Variants in ZNF93 observed in about 807,000 individuals in gnomAD.
ZNF93 encodes the protein zinc finger protein 505.
A neutral mutation model predicts 45.0 loss-of-function variants in ZNF93; 29 were observed. The observed-to-expected ratio is 0.64, with a 90% CI of 0.48 to 0.88. The LOEUF (loss-of-function observed/expected upper bound fraction) is 0.88, where lower values mean the gene tolerates loss of function less well. Among genes scored for constraint, ZNF93 ranks in the 40% least tolerant of loss-of-function variants. The pLI is 0.00. For missense variants in ZNF93, 578 were observed against 724.0 expected, an observed-to-expected ratio of 0.80 and a Z score of 2.31; for synonymous variants, 223 against 244.6, an observed-to-expected ratio of 0.91 and a Z score of 0.82.
chr19:19,912,175 T>C (rs2063310544), intron 1 of ZNF93, among the ~76,000 whole-genome samples: 1 of 152,198 alleles, frequency 6.6e-6, no homozygotes, highest in African/African-American at 2.4e-5. Flanking sequence ...GTCAGGGCAG[T>C]GACTAGAAAA....
intron 1 of ZNF93, among the ~76,000 whole-genome samples, chr19:19,913,886 C>T (rs1243980993): frequency 6.6e-6 from 1 of 152,204 alleles, no homozygotes; most frequent in Non-Finnish European, 1.5e-5. Flanking sequence ...TCCACTCTGC[C>T]TCCTGGACTG....
intron 3 of ZNF93, among the ~76,000 whole-genome samples, chr19:19,922,044 G>A (rs904328239): frequency 1.4e-4 from 21 of 152,124 alleles, no homozygotes; most frequent in African/African-American, 4.8e-4. Context: ...AGCCTCGATG[G>A]TCTTTACTAT....
intron 3 of ZNF93, among the ~76,000 whole-genome samples, chr19:19,930,542 G>T (rs1271152481): frequency 2.1e-5 from 3 of 140,254 alleles, no homozygotes; most frequent in South Asian, 2.3e-4. Flanking sequence ...CTGCTAGACC[G>T]CGGTCTGCTA....
At position 19,928,362 on chromosome 19, in the gene ZNF93, T is replaced by C. The variant is rs1052672151; in HGVS notation, c.227-4820T>C. Among the ~76,000 whole-genome samples the C allele has an allele frequency of 2.6e-5, 4 of 152,238 alleles. No homozygotes were observed. The East Asian group carries it at 5.8e-4, about 22-fold the overall frequency. On this transcript the variant is annotated intron_variant, in intron 3 of 3. Coordinates refer to ENST00000343769, the MANE Select transcript of ZNF93 (RefSeq NM_031218.4). ...CTTTTAACTGTAGGTTGTATTGATA[T>C]CTTTGAAAAATGAAATTTTTGACCC...
rs1299592277 is a variant in ZNF93 at position 19,934,458 on chromosome 19, A to C, written c.1503A>C (p.Lys501Asn). ...NQSSSLTKHK[K>N]IHTGEKPYKC... ...CCTCTTCCCTTACTAAACATAAGAA[A>C]ATTCATACTGGAGAGAAACCCTACA... Residue 501 changes from lysine (K) to asparagine (N), a missense_variant, in exon 4 of 4, where the codon AAA (lysine) becomes AAC (asparagine). Lys to Asn is a moderately conservative substitution (Grantham distance 94). Coordinates refer to ENST00000343769, the MANE Select transcript of ZNF93 (RefSeq NM_031218.4). 6.2e-7 allele frequency: 1 copy of C among 1,612,720 alleles called. No individual in the cohort carries two copies. Among genetic ancestry groups the C allele is most frequent in the Non-Finnish European group, 8.5e-7 (1 of 1,179,870 alleles).
rs1236613362 is a variant in ZNF93, at chr19:19,909,756, A to G, written c.4-5524A>G. On this transcript the variant is annotated intron_variant, in intron 1 of 3. Coordinates refer to ENST00000343769, the MANE Select transcript of ZNF93 (RefSeq NM_031218.4). ...AGTGTCTAGAATTACCAGACATGATATAAACACATAAGGTGCCAACCAGAA... is the reference window on the plus strand; with the variant it reads ...AGTGTCTAGAATTACCAGACATGATGTAAACACATAAGGTGCCAACCAGAA... 2.6e-5 allele frequency among the ~76,000 whole-genome samples: 4 copies of G among 152,240 alleles called. No homozygotes were observed. The South Asian group carries it at 6.2e-4, about 24-fold the overall frequency.
chr19:19,927,517 TTC>T (rs1396557373), intron 3 of ZNF93, among the ~76,000 whole-genome samples: 2 of 152,224 alleles, frequency 1.3e-5, no homozygotes, highest in African/African-American at 4.8e-5. Context: ...GCCTTCTACT[TTC>T]TGTTTTTATG....
chr19:19,923,591 T>G (rs2063347857), intron 3 of ZNF93, among the ~76,000 whole-genome samples: 1 of 152,136 alleles, frequency 6.6e-6, no homozygotes, highest in Non-Finnish European at 1.5e-5. Flanking sequence ...GGATGCTTTG[T>G]TTACCTACTC....
chr19:19,910,705 CTA>C (rs2063305387), intron 1 of ZNF93, among the ~76,000 whole-genome samples: 1 of 145,782 alleles, frequency 6.9e-6, no homozygotes, highest in South Asian at 2.2e-4. Context: ...AGAGTAGTCT[CTA>C]TGAGGGGATC....
chr19:19,906,671 TA>T (rs1374119631), intron 1 of ZNF93, among the ~76,000 whole-genome samples: 1 of 152,168 alleles, frequency 6.6e-6, no homozygotes, highest in Non-Finnish European at 1.5e-5. Context: ...GTTTTTCATT[TA>T]AGTGTTTAAT....
In ZNF93 at chr19:19,901,074, C is replaced by T. The variant is rs747808752; in HGVS notation, c.-15C>T. On this transcript the variant is annotated 5_prime_UTR_variant, in exon 1 of 4. Coordinates refer to ENST00000343769, the MANE Select transcript of ZNF93 (RefSeq NM_031218.4). ...GATCCACAGCTAAGACACCAGGACC[C>T]CTGGAAGCCTAGAAATGGTGAGAGT... The T allele has an allele frequency of 6.8e-6, 11 of 1,613,328 alleles. No homozygotes were observed. The Admixed American group carries it at 1.7e-4, about 24-fold the overall frequency.
chr19:19,910,039 C>A (rs117882403), intron 1 of ZNF93, among the ~76,000 whole-genome samples: 1 of 152,010 alleles, frequency 6.6e-6, no homozygotes, highest in Admixed American at 6.6e-5. Flanking sequence ...CTATGGAGCC[C>A]AGAAACCCAA....
At chr19:19,921,644 A>C (rs1370162327) in intron 3 of ZNF93, among the ~76,000 whole-genome samples, 2 of 152,054 alleles carry the variant, frequency 1.3e-5, no homozygotes, top group African/African-American at 2.4e-5. Flanking sequence ...GGGTGCATAT[A>C]TATTTAGGAT....
intron 1 of ZNF93, among the ~76,000 whole-genome samples, chr19:19,907,263 C>T (rs1884624708): frequency 6.6e-6 from 1 of 152,034 alleles, no homozygotes; most frequent in Non-Finnish European, 1.5e-5. Context: ...TAGGAGCACA[C>T]AGAAGCTTAG....
intron 1 of ZNF93, among the ~76,000 whole-genome samples, chr19:19,910,293 G>T (rs2063304061): frequency 6.6e-6 from 1 of 152,086 alleles, no homozygotes; most frequent in African/African-American, 2.4e-5. Flanking sequence ...TGAAAGTACT[G>T]TTATGTCTTT....
chr19:19,906,778 A>AT (rs2063293997), intron 1 of ZNF93, among the ~76,000 whole-genome samples: 2 of 152,056 alleles, frequency 1.3e-5, no homozygotes, highest in Admixed American at 1.3e-4. Context: ...CATTTATGAA[A>AT]TAAGTAATTC....
intron 3 of ZNF93, among the ~76,000 whole-genome samples, chr19:19,918,638 G>A (rs1172972386): frequency 3.9e-5 from 6 of 152,128 alleles, no homozygotes; most frequent in East Asian, 3.9e-4. Context: ...TTTAATGATC[G>A]CCATTCTAAC....
chr19:19,922,611 A>G (rs2063345135), intron 3 of ZNF93, among the ~76,000 whole-genome samples: 1 of 152,148 alleles, frequency 6.6e-6, no homozygotes, highest in Non-Finnish European at 1.5e-5. Context: ...ACATAGTCTC[A>G]TATTTCTTGG....
In ZNF93 at chr19:19,934,763, T is replaced by A; in HGVS notation, c.1808T>A (p.Ile603Asn). The A allele has an allele frequency of 6.2e-7, 1 of 1,608,132 alleles. No homozygotes were observed. Among genetic ancestry groups the A allele is most frequent in the East Asian group, 2.2e-5 (1 of 44,802 alleles). The change falls in exon 4 of 4, where the codon ATT (isoleucine) becomes AAT (asparagine). Residue 603 changes from isoleucine (I) to asparagine (N), a missense_variant. Physicochemically the swap from Ile to Asn is moderately radical, Grantham distance 149. Around this residue, in one of 3 missense-constraint regions of ZNF93, gnomAD observed 119 missense variants for 123.1 expected, o/e 0.97. Transcript: ENST00000343769. ...TGTGATAAATGTGGCAAAGCCTTTATTTCACCCTCAAGCCTTAGTAGACAT... is the reference window on the plus strand; with the variant it reads ...TGTGATAAATGTGGCAAAGCCTTTAATTCACCCTCAAGCCTTAGTAGACAT... ...YECDKCGKAFISPSSLSRHEI... is the reference protein window; with the variant it reads ...YECDKCGKAFNSPSSLSRHEI...
Sources: gnomAD v4.1 joint callset for allele counts (sites outside exome capture counted in the v4.1 genomes callset) on GRCh38, gnomAD v4.1.1 for gene constraint, gnomAD v4.1.1 regional missense constraint, MANE v1.5 for transcripts, NCBI Gene and HGNC (gene_info 2026-07-23, HGNC 2026-07-21) for gene names.